The following USO1 variants were observed in gnomAD, a reference collection of about 807,000 sequenced individuals.
The protein encoded by USO1 is general vesicular transport factor p115.
USO1 carries 57 observed loss-of-function variants against 124.5 expected under a neutral mutation model. That is an observed-to-expected ratio of 0.46 (90% CI 0.37 to 0.57). USO1 has a LOEUF of 0.57. USO1 is among the 20% of genes least tolerant of loss of function. The pLI is 0.00. For synonymous variants in USO1, 369 were observed against 362.8 expected, an observed-to-expected ratio of 1.02 and a Z score of -0.19; for missense variants, 900 against 1,040.6, an observed-to-expected ratio of 0.86 and a Z score of 1.86.
At chr4:75,807,305 C>G (rs1723024146) in intron 20 of USO1, among the ~76,000 whole-genome samples, 1 of 151,750 alleles carries the variant, frequency 6.6e-6, no homozygotes, top group Non-Finnish European at 1.5e-5. Flanking sequence ...TTCTTTCCTC[C>G]TCTCTTTTCT....
Position 75,814,053 on chromosome 4 carries a change from A to G in USO1, c.*758A>G, listed in dbSNP as rs930161596. ...TTAGTAGTATTGTTTATCATAAAAC[A>G]TATTATGTTCCTAGTTTTAAAAAGA... On this transcript the variant is annotated 3_prime_UTR_variant, in exon 24 of 24. Transcript: ENST00000514213. 1.3e-5 allele frequency: 2 copies of G among 152,230 alleles called. No individual in the cohort carries two copies. The highest frequency in any genetic ancestry group is 6.5e-5 in the Admixed American group (1 of 15,274). 9.4% of individuals were successfully genotyped at this position (152,230 alleles called of 1,614,324 possible). A position where few individuals can be genotyped will look rare whatever the true frequency, so the allele number is the denominator to read the frequency against.
Position 75,790,747 on chromosome 4 carries a change from A to G in USO1, c.1190A>G (p.Gln397Arg). Residue 397 changes from glutamine (Q) to arginine (R), a missense_variant, in exon 12 of 24, where the codon CAA becomes CGA. Coordinates refer to ENST00000514213, the MANE Select transcript of USO1 (RefSeq NM_003715.4). ...YCFQCFLYKN[Q>R]KGQGEIVSTL... ...TTCCAGTGTTTCTTGTATAAAAACC[A>G]AAAAGGACAAGGAGAAATCGTGTCA... 1.2e-6 allele frequency: 2 copies of G among 1,613,172 alleles called. No homozygotes were observed. The highest frequency in any genetic ancestry group is 1.7e-6 in the Non-Finnish European group (2 of 1,179,496).
chr4:75,810,869 T>TA (rs1272710108), intron 22 of USO1, among the ~76,000 whole-genome samples: 1 of 152,170 alleles, frequency 6.6e-6, no homozygotes, highest in Non-Finnish European at 1.5e-5. Flanking sequence ...TAGCTGGGAC[T>TA]ACAGGCGTGC....
intron 8 of USO1, among the ~76,000 whole-genome samples, chr4:75,780,640 C>CTTTTTTTTTTTTT (rs71210204): frequency 1.7e-5 from 1 of 59,138 alleles, no homozygotes; most frequent in Non-Finnish European, 2.9e-5. Context: ...TAAATTTTGA[C>CTTTTTTTTTTTTT]TTTTTTTTTT....
chr4:75,804,655 G>A (rs1257443582), intron 18 of USO1, among the ~76,000 whole-genome samples: 1 of 152,190 alleles, frequency 6.6e-6, no homozygotes, highest in Non-Finnish European at 1.5e-5. Context: ...TGATTCTAAT[G>A]TATAGCTGAT....
intron 5 of USO1, 76 bp from the exon 6 acceptor site, chr4:75,770,746 A>G: frequency 6.4e-7 from 1 of 1,563,028 alleles, no homozygotes; most frequent in Admixed American, 2.1e-5. Context: ...TTCTGGTAAA[A>G]GTTATTAGTG....
Position 75,751,868 on chromosome 4 carries a change from A to G in USO1, c.67-505A>G, listed in dbSNP as rs903975521. On this transcript the variant is annotated intron_variant, in intron 1 of 23. Transcript: ENST00000514213. The stretch of plus-strand genomic sequence containing the variant: ...ATTTTTTTTTTGGTTTCTATAAATT[A>G]TTTTATAATGAAGCGTTTCATCCTT... 7.0e-3 allele frequency among the ~76,000 whole-genome samples: 1,068 copies of G among 152,000 alleles called. 9 individuals carry two copies. Among genetic ancestry groups the G allele is most frequent in the Non-Finnish European group, 0.012 (801 of 67,950 alleles).
At chr4:75,811,790 G>C (rs1048779115) in intron 22 of USO1, among the ~76,000 whole-genome samples, 1 of 151,900 alleles carries the variant, frequency 6.6e-6, no homozygotes, top group African/African-American at 2.4e-5. Flanking sequence ...TTTTTAACTT[G>C]AGCTTTGAGT....
chr4:75,762,197 A>T (rs1212990528), intron 4 of USO1, among the ~76,000 whole-genome samples: 2 of 115,168 alleles, frequency 1.7e-5, no homozygotes, highest in Non-Finnish European at 3.3e-5. Flanking sequence ...TTTGAGACAG[A>T]GTCTCACTCT....
intron 13 of USO1, among the ~76,000 whole-genome samples, chr4:75,797,703 G>A (rs1722729674): frequency 6.6e-6 from 1 of 151,672 alleles, no homozygotes; most frequent in Non-Finnish European, 1.5e-5. Context: ...GCGCAGTGTT[G>A]TGATCTCGGC....
intron 9 of USO1, among the ~76,000 whole-genome samples, chr4:75,786,451 CAT>C (rs1217158867): frequency 1.9e-5 from 2 of 103,872 alleles, no homozygotes; most frequent in African/African-American, 5.4e-5. Context: ...AATTTGGAGA[CAT>C]AACTGTGTTA....
rs530383722 is a variant in USO1 at position 75,779,648 on chromosome 4, CAAGGA to C, written c.677-3028_677-3024del. Among the ~76,000 whole-genome samples, 3 of 152,182 alleles carry C rather than the reference CAAGGA, an allele frequency of 2.0e-5. No homozygotes were observed. The South Asian group carries it at 6.2e-4, about 32-fold the overall frequency. ...GACTGAGAGAGGTGAACAAGCTGCA[CAAGGA>C]AAGTTGGAAGAATGGATATTGTGCA... On this transcript the variant is annotated intron_variant, in intron 8 of 23. Coordinates refer to ENST00000514213, the MANE Select transcript of USO1 (RefSeq NM_003715.4).
chr4:75,759,695 G>T (rs1015190045), intron 4 of USO1, among the ~76,000 whole-genome samples: 1 of 151,388 alleles, frequency 6.6e-6, no homozygotes, highest in Non-Finnish European at 1.5e-5. Context: ...GGTCACCTGA[G>T]GTCAGGAGTT....
rs1247493192 is a variant in USO1, at chr4:75,804,204, C to T, written c.2057C>T (p.Ala686Val). The change falls in exon 18 of 24, where the codon GCA (alanine) becomes GTA (valine). Residue 686 changes from alanine to valine, a missense_variant. Physicochemically the swap from Ala to Val is moderately conservative, Grantham distance 64. Coordinates refer to ENST00000514213, the MANE Select transcript of USO1 (RefSeq NM_003715.4). Reference sequence around the variant, plus strand: ...TGTCAAAATGAACAGCTCCAGACGGCAGTCACACAGCAAGTATCACAGATC... The same window carrying T: ...TGTCAAAATGAACAGCTCCAGACGGTAGTCACACAGCAAGTATCACAGATC... ...LKCQNEQLQT[A>V]VTQQVSQIQQ... 13 of 1,613,594 alleles carry T rather than the reference C, an allele frequency of 8.1e-6. No individual in the cohort carries two copies. In the East Asian group the frequency reaches 2.9e-4, roughly 36 times the overall value.
At chr4:75,730,221 G>A (rs925017558) in intron 1 of USO1, among the ~76,000 whole-genome samples, 2 of 152,092 alleles carry the variant, frequency 1.3e-5, no homozygotes, top group Non-Finnish European at 1.5e-5. Flanking sequence ...TTAAAAGTTA[G>A]AATCATTTAA....
intron 9 of USO1, among the ~76,000 whole-genome samples, chr4:75,786,490 A>G (rs1287740178): frequency 6.6e-6 from 1 of 152,154 alleles, no homozygotes; most frequent in Non-Finnish European, 1.5e-5. Context: ...GACTTTTTTC[A>G]TGTTTCTGAA....
At chr4:75,727,978 T>C (rs1487271108) in intron 1 of USO1, among the ~76,000 whole-genome samples, 7 of 152,198 alleles carry the variant, frequency 4.6e-5, no homozygotes, top group Non-Finnish European at 7.3e-5. Context: ...GCAGGGTTCA[T>C]AATGTATTTT....
At chr4:75,805,655 C>T (rs1286821324) in intron 19 of USO1, among the ~76,000 whole-genome samples, 1 of 151,096 alleles carries the variant, frequency 6.6e-6, no homozygotes, top group African/African-American at 2.4e-5. Flanking sequence ...TGCAGTGAGC[C>T]GAGATCACCC....
intron 8 of USO1, among the ~76,000 whole-genome samples, chr4:75,782,280 C>T (rs1016502657): frequency 6.6e-6 from 1 of 152,128 alleles, no homozygotes; most frequent in Non-Finnish European, 1.5e-5. Flanking sequence ...GTAGACTGTT[C>T]ACAAGCGTTT....
Sources: gnomAD v4.1 joint callset for allele counts (sites outside exome capture counted in the v4.1 genomes callset) on GRCh38, gnomAD v4.1.1 for gene constraint, MANE v1.5 for transcripts, NCBI Gene and HGNC (gene_info 2026-07-23, HGNC 2026-07-21) for gene names.